Variants in EPHA3 observed in about 807,000 individuals in gnomAD.
EPHA3 encodes the protein EPH receptor A3, also known as ephrin type-A receptor 3.
Under a neutral mutation model 107.1 loss-of-function variants are expected in EPHA3, and 42 were observed. The observed-to-expected ratio is 0.39, with a 90% CI of 0.31 to 0.51. The LOEUF is 0.51. Ranked by LOEUF, EPHA3 falls within the 20% of genes least tolerant of loss-of-function variation. The pLI is 0.78. For synonymous variants in EPHA3, 461 were observed against 424.8 expected (o/e 1.09, Z -1.05); for missense variants, 1,183 against 1,211.2 (o/e 0.98, Z 0.35).
chr3:89,280,290 G>C (rs751215148), intron 3 of EPHA3, among the ~76,000 whole-genome samples: 1 of 152,134 alleles, frequency 6.6e-6, no homozygotes, highest in African/African-American at 2.4e-5. Flanking sequence ...TTCAAGAAGT[G>C]AGTAGGTATA....
At chr3:89,338,436 C>G (rs116448265) in intron 3 of EPHA3, among the ~76,000 whole-genome samples, 2 of 152,190 alleles carry the variant, frequency 1.3e-5, no homozygotes, top group Non-Finnish European at 2.9e-5. Context: ...ATTAAATGCC[C>G]GCTGCCCATT....
chr3:89,208,477 A>G (rs9863971), intron 2 of EPHA3, among the ~76,000 whole-genome samples: 3,949 of 132,722 alleles, frequency 0.03, 124 homozygotes, highest in Non-Finnish European at 0.036. Context: ...AAAGAAAGAA[A>G]GAAAGAGAAA....
At chr3:89,135,576 T>C (rs1349474762) in intron 2 of EPHA3, among the ~76,000 whole-genome samples, 1 of 152,014 alleles carries the variant, frequency 6.6e-6, no homozygotes, top group Non-Finnish European at 1.5e-5. Context: ...AATAATGTCT[T>C]TTAGGGATTT....
chr3:89,157,850 C>T (rs1704840545), intron 2 of EPHA3, among the ~76,000 whole-genome samples: 1 of 145,758 alleles, frequency 6.9e-6, no homozygotes, highest in South Asian at 2.2e-4. Flanking sequence ...GTAACACTCG[C>T]TATGAAGAAA....
At chr3:89,123,364 A>G (rs920295099) in intron 1 of EPHA3, among the ~76,000 whole-genome samples, 3 of 152,104 alleles carry the variant, frequency 2.0e-5, no homozygotes, top group Non-Finnish European at 2.9e-5. Context: ...GCTGGTCTTG[A>G]ACTCCTGACC....
chr3:89,391,650 G>T (rs1708743344), intron 5 of EPHA3, among the ~76,000 whole-genome samples: 1 of 151,160 alleles, frequency 6.6e-6, no homozygotes, highest in Admixed American at 6.6e-5. Context: ...AGCCAGGATG[G>T]TCTCCATCTC....
At chr3:89,421,639 T>A (rs1354749933) in intron 11 of EPHA3, among the ~76,000 whole-genome samples, 3 of 151,256 alleles carry the variant, frequency 2.0e-5, no homozygotes, top group Non-Finnish European at 4.4e-5. Flanking sequence ...ATTTTGTCAG[T>A]CATGAGTTGA....
chr3:89,307,314 C>A lies in EPHA3; in HGVS notation c.815-33602C>A, dbSNP rs376689539. On this transcript the variant is annotated intron_variant, in intron 3 of 16. Coordinates refer to ENST00000336596, the MANE Select transcript of EPHA3 (RefSeq NM_005233.6). ...AAGATTTTCAAGCGCAGAGTCTTGG[C>A]TAAAAGGATTGAGTTGCTAAACCTA... Among the ~76,000 whole-genome samples the A allele has an allele frequency of 3.3e-5, 5 of 152,170 alleles. No individual in the cohort carries two copies. The East Asian group carries it at 9.7e-4, about 29-fold the overall frequency.
intron 11 of EPHA3, among the ~76,000 whole-genome samples, chr3:89,427,538 T>G (rs1709483823): frequency 6.6e-6 from 1 of 151,938 alleles, no homozygotes; most frequent in Non-Finnish European, 1.5e-5. Context: ...ACTCACGTCT[T>G]CTGGACTTGG....
intron 7 of EPHA3, 31 bp downstream of exon 7, chr3:89,399,511 G>T: frequency 3.1e-6 from 5 of 1,608,142 alleles, no homozygotes; most frequent in Non-Finnish European, 4.3e-6. Context: ...GTCTAGAGGA[G>T]GGGGCAGGGA....
intron 1 of EPHA3, among the ~76,000 whole-genome samples, chr3:89,111,515 C>CG (rs943282539): frequency 5.8e-5 from 8 of 136,988 alleles, no homozygotes; most frequent in South Asian, 5.2e-4. Flanking sequence ...ACATCCCCCC[C>CG]CCACCCCGCC....
At chr3:89,429,425 G>A (rs1489682569) in intron 12 of EPHA3, among the ~76,000 whole-genome samples, 9 of 151,802 alleles carry the variant, frequency 5.9e-5, no homozygotes, top group East Asian at 5.8e-4. Context: ...ATTCACACTC[G>A]TTAAATAAAA....
chr3:89,446,685 G>C (rs1378734034), intron 13 of EPHA3, among the ~76,000 whole-genome samples: 2 of 151,224 alleles, frequency 1.3e-5, no homozygotes, highest in Non-Finnish European at 2.9e-5. Context: ...GCATAGAAAG[G>C]GCTTTTTTTT....
At chr3:89,449,073 A>G (rs1709935843) in intron 13 of EPHA3, 152 bp from the exon 14 acceptor site, 1 of 634,294 alleles carries the variant, frequency 1.6e-6, no homozygotes, top group East Asian at 3.4e-5. Flanking sequence ...CTTGGTATTG[A>G]AATAGAATAA....
intron 2 of EPHA3, among the ~76,000 whole-genome samples, chr3:89,187,912 C>T (rs184423611): frequency 3.3e-4 from 50 of 152,204 alleles, no homozygotes; most frequent in African/African-American, 1.1e-3. Context: ...CACTAAAAAT[C>T]TCTTAGCACC....
rs1710587259 is a variant in EPHA3 at position 89,479,650 on chromosome 3, A to G, written c.*148A>G. On this transcript the variant is annotated 3_prime_UTR_variant, in exon 17 of 17. Coordinates refer to ENST00000336596, the MANE Select transcript of EPHA3 (RefSeq NM_005233.6). ...TATGAGTACAAATGCCTTAAAATGG[A>G]ATTGAAAAACTCTTTATTTTCCCCT... 2 of 565,158 alleles carry G rather than the reference A, an allele frequency of 3.5e-6. No individual in the cohort carries two copies. Among genetic ancestry groups the G allele is most frequent in the African/African-American group, 3.8e-5 (2 of 52,806 alleles). The allele number at this position is 565,158 out of a possible 1,614,324, so 35.0% of individuals were successfully genotyped here.
In EPHA3 at chr3:89,362,903, C is replaced by T. The variant is rs1708122011; in HGVS notation, c.1306+20813C>T. Among the ~76,000 whole-genome samples, 2 of 150,942 alleles carry T rather than the reference C, an allele frequency of 1.3e-5. 1 individual carries two copies. The highest frequency in any genetic ancestry group is 1.3e-4 in the Admixed American group (2 of 15,066). ...TACTAACTCAAACTAAGATTATAGT[C>T]TGGTGTATGTTTCAATCTCCTCTTT... is the stretch of plus-strand genomic sequence containing the variant. On this transcript the variant is annotated intron_variant, in intron 5 of 16. Transcript: ENST00000336596.
At chr3:89,130,140 C>G (rs1193652863) in intron 2 of EPHA3, among the ~76,000 whole-genome samples, 2 of 152,024 alleles carry the variant, frequency 1.3e-5, no homozygotes, top group African/African-American at 4.8e-5. Context: ...AGAAAGCAGG[C>G]ACTTTTACAT....
At chr3:89,476,169 TAGA>T (rs1710502857) in intron 16 of EPHA3, among the ~76,000 whole-genome samples, 2 of 147,464 alleles carry the variant, frequency 1.4e-5, no homozygotes, top group Admixed American at 1.4e-4. Context: ...TTATATATTG[TAGA>T]TAACATATAT....
Sources: gnomAD v4.1 joint callset for allele counts (sites outside exome capture counted in the v4.1 genomes callset) on GRCh38, gnomAD v4.1.1 for gene constraint, MANE v1.5 for transcripts, NCBI Gene and HGNC (gene_info 2026-07-23, HGNC 2026-07-21) for gene names.